CRTC3: variants seen among roughly 807,000 people sequenced by gnomAD.
CRTC3 encodes CREB regulated transcription coactivator 3, also known as CREB-regulated transcription coactivator 3.
In CRTC3, 26 loss-of-function variants were observed where a neutral mutation model predicts 74.5. The ratio of observed to expected loss-of-function variants is 0.35; its 90% CI spans 0.26 to 0.48. The LOEUF (loss-of-function observed/expected upper bound fraction) is 0.48, where lower values mean the gene tolerates loss of function less well. Ranked by LOEUF, CRTC3 falls within the 20% of genes least tolerant of loss-of-function variation. The pLI is 0.99. For synonymous variants in CRTC3, 377 were observed against 325.8 expected (o/e 1.16, Z -1.69); for missense variants, 760 against 787.3 (o/e 0.97, Z 0.41).
chr15:90,563,132 A>T (rs970604388), intron 2 of CRTC3, among the ~76,000 whole-genome samples: 1 of 152,218 alleles, frequency 6.6e-6, no homozygotes, highest in African/African-American at 2.4e-5. Flanking sequence ...CGGGCTGGGC[A>T]TGATGGCTCA....
intron 5 of CRTC3, among the ~76,000 whole-genome samples, chr15:90,606,486 CG>C (rs1968224249): frequency 6.6e-6 from 1 of 151,848 alleles, no homozygotes; most frequent in Non-Finnish European, 1.5e-5. Flanking sequence ...TTCTTGAACA[CG>C]GGAGGCAGAT....
chr15:90,593,503 C>T (rs1967847017), intron 2 of CRTC3, 133 bp from the exon 3 acceptor site: 1 of 935,562 alleles, frequency 1.1e-6, no homozygotes, highest in Non-Finnish European at 1.6e-6. Flanking sequence ...TTTACCTTGA[C>T]CCAAGGCCCA....
intron 6 of CRTC3, among the ~76,000 whole-genome samples, chr15:90,611,394 G>A (rs1968353465): frequency 6.6e-6 from 1 of 152,152 alleles, no homozygotes; most frequent in Non-Finnish European, 1.5e-5. Flanking sequence ...GGTCATCGCT[G>A]TCCCATCCCT....
intron 6 of CRTC3, among the ~76,000 whole-genome samples, chr15:90,608,037 C>G (rs369405907): frequency 2.4e-4 from 37 of 152,066 alleles, no homozygotes; most frequent in African/African-American, 8.4e-4. Flanking sequence ...AGGGGTCAGG[C>G]AAGCCTCGGG....
intron 11 of CRTC3, chr15:90,635,057 T>G: frequency 1.1e-6 from 1 of 892,362 alleles, no homozygotes; most frequent in East Asian, 2.4e-5. Context: ...TGAAATGGCA[T>G]CAGTGTGAAG....
chr15:90,643,517 A>G lies in CRTC3; in HGVS notation c.*1377A>G, dbSNP rs927806315. On this transcript the variant is annotated 3_prime_UTR_variant, in exon 15 of 15. Coordinates refer to ENST00000268184, the MANE Select transcript of CRTC3 (RefSeq NM_022769.5). The stretch of plus-strand genomic sequence containing the variant: ...CACCCAGGAAGATCTTCCTTCTCAG[A>G]TCCACGTTTGGCTCTAAATTGCTTC... 3.5e-5 allele frequency: 8 copies of G among 228,960 alleles called. No homozygotes were observed. Among genetic ancestry groups the G allele is most frequent in the Admixed American group, 2.8e-4 (5 of 17,646 alleles). The allele number at this position is 228,960 out of a possible 1,614,324, so 14.2% of individuals were successfully genotyped here. A position where few individuals can be genotyped will look rare whatever the true frequency, so the allele number is the denominator to read the frequency against.
intron 1 of CRTC3, among the ~76,000 whole-genome samples, chr15:90,534,234 G>C (rs577182768): frequency 2.6e-5 from 4 of 152,224 alleles, no homozygotes; most frequent in African/African-American, 9.6e-5. Context: ...GGGTGAGGAA[G>C]GTGAGAAAGA....
intron 9 of CRTC3, among the ~76,000 whole-genome samples, chr15:90,621,469 T>G (rs1459898545): frequency 6.6e-6 from 1 of 152,140 alleles, no homozygotes; most frequent in African/African-American, 2.4e-5. Context: ...ATTACAGACG[T>G]GCACCACCAT....
At position 90,625,962 on chromosome 15, in the gene CRTC3, T is replaced by C; in HGVS notation, c.936T>C (p.Ala312=). 1 of 1,614,198 alleles carries C rather than the reference T, an allele frequency of 6.2e-7. No individual in the cohort carries two copies. Among genetic ancestry groups the C allele is most frequent in the East Asian group, 2.2e-5 (1 of 44,892 alleles). Residue 312 remains alanine (A), a synonymous_variant, in exon 10 of 15, where the codon GCT becomes GCC. Transcript: ENST00000268184. ...VGNSVNNIPA[A]MTHLGIRSSS... Reference sequence around the variant, plus strand: ...ATAGTGTGAACAACATCCCAGCTGCTATGACCCACCTGGGTATAAGAAGCT... The same window carrying C: ...ATAGTGTGAACAACATCCCAGCTGCCATGACCCACCTGGGTATAAGAAGCT...
chr15:90,584,580 T>A (rs2151074608), intron 2 of CRTC3, among the ~76,000 whole-genome samples: 1 of 152,306 alleles, frequency 6.6e-6, no homozygotes, highest in East Asian at 1.9e-4. Flanking sequence ...CATTATGTCG[T>A]CCAGGGTGGA....
chr15:90,565,859 C>G (rs1967112118), intron 2 of CRTC3, among the ~76,000 whole-genome samples: 3 of 152,116 alleles, frequency 2.0e-5, no homozygotes, highest in Admixed American at 2.0e-4. Flanking sequence ...CTCCTTGGGC[C>G]TCCCTCTTCC....
At chr15:90,613,100 T>C (rs1968402407) in intron 6 of CRTC3, among the ~76,000 whole-genome samples, 1 of 135,620 alleles carries the variant, frequency 7.4e-6, no homozygotes, top group African/African-American at 3.0e-5. Context: ...CTGGGGAGGC[T>C]GAGGCCCAGG....
In CRTC3 at chr15:90,629,354, C is replaced by A. The variant is rs375397418; in HGVS notation, c.1088C>A (p.Ser363Ter). The change falls in exon 11 of 15, where the codon TCG (serine) becomes TAG (stop). Residue 363 changes from serine to a stop codon, truncating the protein, a stop_gained. Coordinates refer to ENST00000268184, the MANE Select transcript of CRTC3 (RefSeq NM_022769.5). LOFTEE classifies it high-confidence loss of function. ...SVPNASALHP[S>*]LRLFSLSNPS... Reference sequence around the variant, plus strand: ...CCCAACGCATCTGCTCTTCACCCTTCGCTCCGTCTGTTTTCCCTTAGCAAC... The same window carrying A: ...CCCAACGCATCTGCTCTTCACCCTTAGCTCCGTCTGTTTTCCCTTAGCAAC... 6.2e-7 allele frequency: 1 copy of A among 1,614,022 alleles called. No homozygotes were observed. Among genetic ancestry groups the A allele is most frequent in the Non-Finnish European group, 8.5e-7 (1 of 1,180,038 alleles).
At chr15:90,555,472 T>C (rs1429323086) in intron 2 of CRTC3, among the ~76,000 whole-genome samples, 1 of 152,218 alleles carries the variant, frequency 6.6e-6, no homozygotes, top group Non-Finnish European at 1.5e-5. Flanking sequence ...ACAATAACTA[T>C]AGCACAAAGA....
At chr15:90,580,617 A>G (rs1392919811) in intron 2 of CRTC3, among the ~76,000 whole-genome samples, 1 of 151,892 alleles carries the variant, frequency 6.6e-6, no homozygotes, top group Non-Finnish European at 1.5e-5. Flanking sequence ...TTTAGTAGAG[A>G]TGGGGTTCGT....
chr15:90,620,082 G>A (rs1039895758), intron 9 of CRTC3: 9 of 339,676 alleles, frequency 2.6e-5, no homozygotes, highest in Non-Finnish European at 4.9e-5. Context: ...AGTGTCAGAA[G>A]CAGAAACGTG....
At chr15:90,613,827 T>C (rs1252445515) in intron 6 of CRTC3, 1 of 152,270 alleles carries the variant, frequency 6.6e-6, no homozygotes. Context: ...GGAAATACTA[T>C]GCTTTGTCAT....
At chr15:90,640,854 TG>T (rs1485005996) in intron 13 of CRTC3, among the ~76,000 whole-genome samples, 1 of 152,080 alleles carries the variant, frequency 6.6e-6, no homozygotes, top group African/African-American at 2.4e-5. Flanking sequence ...GATGGTGTAG[TG>T]GGCTGGGGAA....
intron 2 of CRTC3, among the ~76,000 whole-genome samples, chr15:90,563,841 GAAATAGAA>G (rs1380400508): frequency 2.0e-5 from 3 of 152,120 alleles, no homozygotes; most frequent in Non-Finnish European, 4.4e-5. Context: ...GTTTTTGAAT[GAAATAGAA>G]AAAATAATTT....
Sources: allele counts gnomAD v4.1 joint callset (sites outside exome capture counted in the v4.1 genomes callset), GRCh38; gene constraint gnomAD v4.1.1; transcripts MANE v1.5; gene names NCBI Gene and HGNC (gene_info 2026-07-23, HGNC 2026-07-21).